ANKRD66: variants seen among roughly 807,000 people sequenced by gnomAD.
The protein encoded by ANKRD66 is ankyrin repeat domain-containing protein 66.
ANKRD66 carries 10 observed loss-of-function variants against 10.9 expected under a neutral mutation model. That is an observed-to-expected ratio of 0.91 (90% CI 0.56 to 1.55). The LOEUF (loss-of-function observed/expected upper bound fraction) is 1.55. Among genes scored for constraint, ANKRD66 ranks in the 40% most tolerant of loss-of-function variants. ANKRD66 has a pLI of 0.00. For synonymous variants in ANKRD66, 85 were observed against 88.4 expected, an observed-to-expected ratio of 0.96 and a Z score of 0.22; for missense variants, 252 against 242.9, an observed-to-expected ratio of 1.04 and a Z score of -0.25.
chr6:46,749,859 A>G, intron 1 of ANKRD66, 37 bp from the exon 2 acceptor site: 1 of 1,539,856 alleles, frequency 6.5e-7, no homozygotes. Flanking sequence ...AGGGCATTGC[A>G]TTTTAATTAC....
chr6:46,749,839 C>T (rs1309497883), intron 1 of ANKRD66, 57 bp from the exon 2 acceptor site: 1 of 1,515,656 alleles, frequency 6.6e-7, no homozygotes, highest in Non-Finnish European at 8.9e-7. Flanking sequence ...TCTCTGTCCT[C>T]TGGGCATTTA....
chr6:46,755,579 T>G (rs1057479219), intron 4 of ANKRD66, among the ~76,000 whole-genome samples: 4 of 152,230 alleles, frequency 2.6e-5, no homozygotes, highest in African/African-American at 9.6e-5. Flanking sequence ...ATCTAATCCT[T>G]TATGTCTTCT....
In ANKRD66 at chr6:46,749,941, A is replaced by G. The variant is rs2150726128; in HGVS notation, c.-51A>G. On this transcript the variant is annotated 5_prime_UTR_variant, in exon 2 of 5. Transcript: ENST00000565422. ...GCACTCACCTGGAGGGCTTACCACA[A>G]CAAAGATGGCCGGACCCCTGCCCAG... 6.5e-7 allele frequency: 1 copy of G among 1,542,400 alleles called. No homozygotes were observed.
At chr6:46,747,833 C>A (rs1766182165) in intron 1 of ANKRD66, among the ~76,000 whole-genome samples, 1 of 152,124 alleles carries the variant, frequency 6.6e-6, no homozygotes, top group African/African-American at 2.4e-5. Flanking sequence ...CTCAGACTTT[C>A]CCATTTCAAA....
At chr6:46,749,565 CCCGCTT>C (rs1236787773) in intron 1 of ANKRD66, among the ~76,000 whole-genome samples, 7 of 115,748 alleles carry the variant, frequency 6.0e-5, no homozygotes, top group African/African-American at 2.1e-4. Flanking sequence ...CCCCCCCCCC[CCCGCTT>C]TTTTCTTTTC....
At chr6:46,750,368 A>T (rs924296511) in intron 2 of ANKRD66, among the ~76,000 whole-genome samples, 2 of 152,210 alleles carry the variant, frequency 1.3e-5, no homozygotes, top group African/African-American at 4.8e-5. Flanking sequence ...TTACACTATA[A>T]TATAAATGAC....
Position 46,759,010 on chromosome 6 carries a change from C to T in ANKRD66, c.*89C>T, listed in dbSNP as rs1766433454. The T allele has an allele frequency of 1.5e-6, 2 of 1,324,968 alleles. No homozygotes were observed. The highest frequency in any genetic ancestry group is 3.0e-5 in the African/African-American group (2 of 67,128). The allele number at this position is 1,324,968 out of a possible 1,614,324, so 82.1% of individuals were successfully genotyped here. A position where few individuals can be genotyped will look rare whatever the true frequency, so the allele number is the denominator to read the frequency against. On this transcript the variant is annotated 3_prime_UTR_variant, in exon 5 of 5. Coordinates refer to ENST00000565422, the MANE Select transcript of ANKRD66 (RefSeq NM_001162435.3). The stretch of plus-strand genomic sequence containing the variant: ...ATGGTGGCCTTTCCATGACTTTACT[C>T]ATAGACCCTTACCCACCTGGCTTCT...
At chr6:46,750,169 G>C (rs934263099) in intron 2 of ANKRD66, among the ~76,000 whole-genome samples, 190 bp downstream of exon 2, 1 of 152,120 alleles carries the variant, frequency 6.6e-6, no homozygotes, top group African/African-American at 2.4e-5. Context: ...TTCTAGCTCA[G>C]CTCCTTCTTT....
At chr6:46,750,182 G>A (rs548655247) in intron 2 of ANKRD66, among the ~76,000 whole-genome samples, 3 of 152,168 alleles carry the variant, frequency 2.0e-5, no homozygotes, top group East Asian at 1.9e-4. Context: ...CCTTCTTTAC[G>A]TCAGCAGCTC....
intron 3 of ANKRD66, among the ~76,000 whole-genome samples, chr6:46,753,253 G>T (rs1695531536): frequency 6.6e-6 from 1 of 152,222 alleles, no homozygotes; most frequent in East Asian, 1.9e-4. Context: ...TAGCAAGTGG[G>T]ATTGTCAGGG....
In ANKRD66 at chr6:46,758,925, C is replaced by T. The variant is rs1293314126; in HGVS notation, c.*4C>T. On this transcript the variant is annotated 3_prime_UTR_variant, in exon 5 of 5. Transcript: ENST00000565422. ...TACCAAGGGGAGGAGAGTATGAGAA[C>T]TCAACCTTATGTTTTCTGGCAAGGA... The T allele has an allele frequency of 2.6e-6, 4 of 1,540,280 alleles. No homozygotes were observed. The highest frequency in any genetic ancestry group is 1.4e-5 in the African/African-American group (1 of 72,150).
rs1160941477 is a variant in ANKRD66, at chr6:46,753,749, T to C, written c.191T>C (p.Ile64Thr). 8.4e-6 allele frequency: 13 copies of C among 1,551,000 alleles called. No homozygotes were observed. Among genetic ancestry groups the C allele is most frequent in the East Asian group, 4.9e-5 (2 of 40,898 alleles). The part of the protein sequence containing the change: ...KGQMEVIRLL[I>T]EYGARPCLVT... ...CAAATGGAGGTGATACGGCTCCTGA[T>C]AGAATATGGAGCCAGGCCCTGCCTG... is the stretch of plus-strand genomic sequence containing the variant. The change falls in exon 4 of 5, where the codon ATA becomes ACA. Residue 64 changes from isoleucine (I) to threonine (T), a missense_variant. Physicochemically the swap from Ile to Thr is moderately conservative, Grantham distance 89 (BLOSUM62 -1). Coordinates refer to ENST00000565422, the MANE Select transcript of ANKRD66 (RefSeq NM_001162435.3).
At position 46,753,653 on chromosome 6, in the gene ANKRD66, G is replaced by T; in HGVS notation, c.164-69G>T. The T allele has an allele frequency of 2.1e-6, 3 of 1,427,524 alleles. 1 individual carries two copies. Among genetic ancestry groups the T allele is most frequent in the East Asian group, 5.0e-5 (2 of 40,064 alleles). The allele number at this position is 1,427,524 out of a possible 1,614,324, so 88.4% of individuals were successfully genotyped here. A position where few individuals can be genotyped will look rare whatever the true frequency, so the allele number is the denominator to read the frequency against. ...CCCTTCTATTGTGTTACCTAGACTG[G>T]CCCTGGCCTCAAGCCACTTGGGACA... is the stretch of plus-strand genomic sequence containing the variant. On this transcript the variant is annotated intron_variant, in intron 3 of 4. Coordinates refer to ENST00000565422, the MANE Select transcript of ANKRD66 (RefSeq NM_001162435.3).
At chr6:46,754,157 AC>A (rs1272461879) in intron 4 of ANKRD66, among the ~76,000 whole-genome samples, 1 of 152,158 alleles carries the variant, frequency 6.6e-6, no homozygotes, top group Non-Finnish European at 1.5e-5. Context: ...AACTATATTA[AC>A]ATGTTGTTTT....
At chr6:46,747,023 C>T in intron 1 of ANKRD66, 33 bp downstream of exon 1, 3 of 1,527,820 alleles carry the variant, frequency 2.0e-6, no homozygotes, top group Non-Finnish European at 2.6e-6. Flanking sequence ...CTCTTATTTA[C>T]TATAGTTATT....
chr6:46,753,799 G>A lies in ANKRD66; in HGVS notation c.241G>A (p.Ala81Thr). Residue 81 changes from alanine to threonine, a missense_variant, in exon 4 of 5, where the codon GCT becomes ACT. Transcript: ENST00000565422. ...CLVTSVGWTP[A>T]HFAAEAGHLN... Reference sequence around the variant, plus strand: ...GGTTACTAGTGTGGGCTGGACCCCAGCTCATTTTGCAGCAGAAGCAGGCCA... The same window carrying A: ...GGTTACTAGTGTGGGCTGGACCCCAACTCATTTTGCAGCAGAAGCAGGCCA... 1 of 1,551,674 alleles carries A rather than the reference G, an allele frequency of 6.4e-7. No individual in the cohort carries two copies. Among genetic ancestry groups the A allele is most frequent in the South Asian group, 1.2e-5 (1 of 84,062 alleles).
chr6:46,750,774 G>A (rs1766253326), intron 2 of ANKRD66, among the ~76,000 whole-genome samples: 1 of 150,850 alleles, frequency 6.6e-6, no homozygotes, highest in Non-Finnish European at 1.5e-5. Context: ...TCAGATAATT[G>A]TGGATATTGT....
chr6:46,751,349 A>G (rs1257969481), intron 2 of ANKRD66, among the ~76,000 whole-genome samples: 1 of 152,228 alleles, frequency 6.6e-6, no homozygotes. Flanking sequence ...TATAGACTAT[A>G]GTTTGAGAAC....
At chr6:46,747,186 T>TA (rs1193504445) in intron 1 of ANKRD66, among the ~76,000 whole-genome samples, 196 bp downstream of exon 1, 2 of 152,174 alleles carry the variant, frequency 1.3e-5, no homozygotes, top group African/African-American at 2.4e-5. Context: ...AACCAATTGA[T>TA]AAATTTCAGT....
Sources: gnomAD v4.1 joint callset for allele counts (sites outside exome capture counted in the v4.1 genomes callset) on GRCh38, gnomAD v4.1.1 for gene constraint, MANE v1.5 for transcripts, NCBI Gene and HGNC (gene_info 2026-07-23, HGNC 2026-07-21) for gene names.